Variants in CDH6 observed in about 807,000 individuals in gnomAD.
The protein encoded by CDH6 is cadherin-6.
In CDH6, 31 loss-of-function variants were observed where a neutral mutation model predicts 78.0. The ratio of observed to expected loss-of-function variants is 0.40; its 90% confidence interval spans 0.30 to 0.54. CDH6 has a LOEUF of 0.54. CDH6 is among the 20% of genes least tolerant of loss of function. The probability of loss-of-function intolerance (pLI) is 0.56; values close to 1 mark genes in which losing one functional copy is unlikely to be tolerated. For synonymous variants in CDH6, 376 were observed against 368.8 expected (o/e 1.02, Z -0.23); for missense variants, 724 against 975.9 (o/e 0.74, Z 3.44).
chr5:31,317,309 G>A, intron 9 of CDH6, 66 bp from the exon 10 acceptor site: 1 of 780,968 alleles, frequency 1.3e-6, no homozygotes. Context: ...GCAATTTATT[G>A]CAAAACGGTA....
chr5:31,262,215 C>T (rs1267640073), intron 1 of CDH6, among the ~76,000 whole-genome samples: 1 of 152,184 alleles, frequency 6.6e-6, no homozygotes, highest in Admixed American at 6.5e-5. Flanking sequence ...ACCATGCACT[C>T]TTGTGGATAT....
chr5:31,230,751 C>G (rs1478082537), intron 1 of CDH6, among the ~76,000 whole-genome samples: 6 of 152,044 alleles, frequency 3.9e-5, no homozygotes, highest in African/African-American at 1.4e-4. Context: ...TTTAATCAAA[C>G]TCAAAATAAT....
intron 1 of CDH6, among the ~76,000 whole-genome samples, chr5:31,240,725 C>T (rs890720908): frequency 6.6e-6 from 1 of 152,192 alleles, no homozygotes; most frequent in Admixed American, 6.5e-5. Context: ...GATTATCCTC[C>T]ATGCTCATCT....
intron 11 of CDH6, among the ~76,000 whole-genome samples, chr5:31,322,582 T>C (rs143538736): frequency 5.2e-4 from 79 of 152,332 alleles, no homozygotes; most frequent in Admixed American, 1.7e-3. Context: ...TGCCAAAATA[T>C]GATGGTGTTT....
chr5:31,322,595 T>C (rs1175126919), intron 11 of CDH6, among the ~76,000 whole-genome samples: 1 of 152,236 alleles, frequency 6.6e-6, no homozygotes. Flanking sequence ...TGGTGTTTTA[T>C]CCTCTACTTA....
intron 1 of CDH6, among the ~76,000 whole-genome samples, chr5:31,196,872 C>T (rs1329803298): frequency 1.3e-5 from 2 of 152,160 alleles, no homozygotes; most frequent in African/African-American, 4.8e-5. Flanking sequence ...TTCCAAGACT[C>T]TACTTCCTTA....
rs1490380064 is a variant in CDH6, at chr5:31,302,939, G to GAA, written c.999+643_999+644dup. Among the ~76,000 whole-genome samples, 3 of 129,624 alleles carry GAA rather than the reference G, an allele frequency of 2.3e-5. No homozygotes were observed. The Admixed American group carries it at 2.4e-4, about 10-fold the overall frequency. The allele number at this position is 129,624 out of a possible 152,430, so 85.0% of individuals were successfully genotyped here. On this transcript the variant is annotated intron_variant, in intron 6 of 11. Transcript: ENST00000265071. ...AGAAAGAAAGAAAGAAAGAAAGAAA[G>GAA]AAAGAAAGAAAGAAAGAAGGAAAGA...
intron 9 of CDH6, 91 bp downstream of exon 9, chr5:31,316,420 T>C (rs1738325844): frequency 1.8e-6 from 2 of 1,142,184 alleles, no homozygotes; most frequent in South Asian, 1.5e-5. Context: ...TGAAGGAGAG[T>C]TGTGAATTAT....
At chr5:31,305,622 A>G (rs1163534324) in intron 7 of CDH6, among the ~76,000 whole-genome samples, 195 bp downstream of exon 7, 1 of 152,190 alleles carries the variant, frequency 6.6e-6, no homozygotes, top group African/African-American at 2.4e-5. Context: ...GAAGTACAGT[A>G]GTCCCTTTTT....
At chr5:31,268,849 G>A (rs953867025) in intron 2 of CDH6, among the ~76,000 whole-genome samples, 2 of 152,124 alleles carry the variant, frequency 1.3e-5, no homozygotes, top group Non-Finnish European at 2.9e-5. Flanking sequence ...AGCCATCCAC[G>A]GCTTGGGCTG....
chr5:31,255,979 A>G (rs1742043510), intron 1 of CDH6, among the ~76,000 whole-genome samples: 1 of 152,172 alleles, frequency 6.6e-6, no homozygotes, highest in African/African-American at 2.4e-5. Context: ...GTGTCATGGT[A>G]GTGTTTCAAC....
At chr5:31,245,776 G>C (rs967707479) in intron 1 of CDH6, among the ~76,000 whole-genome samples, 2 of 151,500 alleles carry the variant, frequency 1.3e-5, no homozygotes, top group Non-Finnish European at 2.9e-5. Flanking sequence ...TAATCTAAAA[G>C]TTATCCACAA....
At chr5:31,239,749 T>G (rs1741547588) in intron 1 of CDH6, among the ~76,000 whole-genome samples, 1 of 152,134 alleles carries the variant, frequency 6.6e-6, no homozygotes, top group African/African-American at 2.4e-5. Flanking sequence ...TAGCATTCAT[T>G]TTAAAACTCA....
At chr5:31,318,952 A>T in intron 11 of CDH6, 1 of 221,888 alleles carries the variant, frequency 4.5e-6, no homozygotes, top group Non-Finnish European at 9.0e-6. Context: ...AAACTCAACT[A>T]CAGAACTGCG....
At chr5:31,270,274 A>G (rs1004993978) in intron 2 of CDH6, among the ~76,000 whole-genome samples, 3 of 152,228 alleles carry the variant, frequency 2.0e-5, no homozygotes, top group African/African-American at 7.2e-5. Context: ...CCTTAGGCTC[A>G]AAGAAATACC....
At chr5:31,304,471 G>A (rs968224436) in intron 6 of CDH6, among the ~76,000 whole-genome samples, 1 of 152,044 alleles carries the variant, frequency 6.6e-6, no homozygotes, top group Non-Finnish European at 1.5e-5. Flanking sequence ...TGGATCACGA[G>A]TTCAAGAGAT....
intron 2 of CDH6, among the ~76,000 whole-genome samples, chr5:31,272,822 A>G (rs1036138179): frequency 5.3e-5 from 8 of 152,312 alleles, no homozygotes; most frequent in Admixed American, 3.9e-4. Flanking sequence ...ATGGAATTTA[A>G]TAAACTGTAT....
chr5:31,321,376 A>G (rs57949560), intron 11 of CDH6, among the ~76,000 whole-genome samples: 3,657 of 152,280 alleles, frequency 0.024, 139 homozygotes, highest in African/African-American at 0.079. Context: ...TATACTCCAA[A>G]TCTGCTTCAA....
intron 1 of CDH6, among the ~76,000 whole-genome samples, chr5:31,259,201 C>A (rs1397692140): frequency 6.6e-6 from 1 of 152,026 alleles, no homozygotes; most frequent in East Asian, 1.9e-4. Context: ...ATATATCATC[C>A]AAAATTAATT....
Sources: allele counts gnomAD v4.1 joint callset (sites outside exome capture counted in the v4.1 genomes callset), GRCh38; gene constraint gnomAD v4.1.1; transcripts MANE v1.5; gene names NCBI Gene and HGNC (gene_info 2026-07-23, HGNC 2026-07-21).